The following SAP130 variants were observed in gnomAD, a reference collection of about 807,000 sequenced individuals.
SAP130 encodes the protein Sin3A associated protein 130.
Under a neutral mutation model 103.2 loss-of-function variants are expected in SAP130, and 16 were observed. That is an observed-to-expected ratio of 0.16 (90% CI 0.10 to 0.24). The LOEUF is 0.24. Ranked by LOEUF, SAP130 falls within the 10% of genes least tolerant of loss-of-function variation. The probability of loss-of-function intolerance (pLI) is 1.00; values close to 1 mark genes in which losing one functional copy is unlikely to be tolerated. For missense variants in SAP130, 990 were observed against 1,359.7 expected, an observed-to-expected ratio of 0.73 and a Z score of 4.28; for synonymous variants, 477 against 497.0, an observed-to-expected ratio of 0.96 and a Z score of 0.53.
At chr2:128,008,522 G>A (rs944767017) in intron 7 of SAP130, among the ~76,000 whole-genome samples, 1 of 143,408 alleles carries the variant, frequency 7.0e-6, no homozygotes, top group African/African-American at 2.7e-5. Flanking sequence ...ATGCCACCAC[G>A]CTTACCTTTT....
intron 18 of SAP130, among the ~76,000 whole-genome samples, chr2:127,947,765 T>TGTGTGA (rs1553500436): frequency 0.21 from 1,062 of 5,176 alleles, 21 homozygotes; most frequent in African/African-American, 0.33. Context: ...TGTGTGTGTC[T>TGTGTGA]GTGTGTGTGT....
rs2104988717 is a variant in SAP130, at chr2:127,986,462, C to T, written c.1958+323G>A. 6.6e-6 allele frequency among the ~76,000 whole-genome samples: 1 copy of T among 152,324 alleles called. No homozygotes were observed. Among genetic ancestry groups the T allele is most frequent in the African/African-American group, 2.4e-5 (1 of 41,570 alleles). On this transcript the variant is annotated intron_variant, in intron 14 of 20. Transcript: ENST00000643581. This position sits in a 1 kb window ranked among gnomAD's most constrained non-coding sequence, Gnocchi z 4.7. ...TTTATAGTATGAGTTAAGGTAACTACCTACACAAGCCCAAGAGTTACTTAT... is the reference window on the plus strand; with the variant it reads ...TTTATAGTATGAGTTAAGGTAACTATCTACACAAGCCCAAGAGTTACTTAT...
chr2:128,009,465 T>C (rs1428740426), intron 7 of SAP130, among the ~76,000 whole-genome samples: 3 of 152,110 alleles, frequency 2.0e-5, no homozygotes, highest in Non-Finnish European at 4.4e-5. Context: ...AGTGAGACCC[T>C]GTCTCCAAAA....
intron 9 of SAP130, 96 bp downstream of exon 9, chr2:127,999,960 T>G (rs1251237921): frequency 2.1e-6 from 3 of 1,451,798 alleles, no homozygotes; most frequent in African/African-American, 2.8e-5. Flanking sequence ...TCTAGCCCGT[T>G]GTTTTTCTCT....
chr2:127,998,476 T>C (rs1335767151), intron 10 of SAP130, among the ~76,000 whole-genome samples: 2 of 152,194 alleles, frequency 1.3e-5, no homozygotes, highest in Admixed American at 6.5e-5. Flanking sequence ...AATATGTATG[T>C]TTTACTTCCC....
rs753585560 is a variant in SAP130, at chr2:127,955,268, T to C, written c.2140A>G (p.Asn714Asp). The change falls in exon 16 of 21, where the codon AAT (asparagine) becomes GAT (aspartate). Residue 714 changes from asparagine to aspartate, a missense_variant. Asn to Asp is a conservative substitution (Grantham distance 23). Around this residue, in one of 6 missense-constraint regions of SAP130, gnomAD observed 349 missense variants for 384.1 expected, o/e 0.91. Coordinates refer to ENST00000643581, the MANE Select transcript of SAP130 (RefSeq NM_001330301.2). This position sits in a 1 kb window ranked among gnomAD's most constrained non-coding sequence, Gnocchi z 4.9. Reference sequence around the variant, plus strand: ...ACGGCAATGGTAGGCTGATCATTATTTTGATTGGATACAGTCTCCATGGAC... The same window carrying C: ...ACGGCAATGGTAGGCTGATCATTATCTTGATTGGATACAGTCTCCATGGAC... ...TVSMETVSNQ[N>D]NDQPTIAVPP... is the part of the protein sequence containing the mutation. 5 of 1,613,808 alleles carry C rather than the reference T, an allele frequency of 3.1e-6. No homozygotes were observed. The highest frequency in any genetic ancestry group is 3.4e-6 in the Non-Finnish European group (4 of 1,179,846).
At position 127,997,842 on chromosome 2, in the gene SAP130, A is replaced by G. The variant is rs372698806; in HGVS notation, c.1214-1351T>C. On this transcript the variant is annotated intron_variant, in intron 10 of 20. Coordinates refer to ENST00000643581, the MANE Select transcript of SAP130 (RefSeq NM_001330301.2). ...TTAAAAAGCCATAAAGGCTGGATGCAGTGGCTCATGCCTATAATCCCAACA... is the reference window on the plus strand; with the variant it reads ...TTAAAAAGCCATAAAGGCTGGATGCGGTGGCTCATGCCTATAATCCCAACA... Among the ~76,000 whole-genome samples the G allele has an allele frequency of 3.3e-4, 51 of 152,342 alleles. 1 individual carries two copies. In the South Asian group the frequency reaches 6.4e-3, roughly 19 times the overall value.
intron 18 of SAP130, among the ~76,000 whole-genome samples, chr2:127,947,951 G>A (rs948965789): frequency 4.1e-4 from 60 of 145,228 alleles, no homozygotes; most frequent in African/African-American, 1.4e-3. Context: ...CACCATGCCT[G>A]GCTAATTTTT....
intron 14 of SAP130, among the ~76,000 whole-genome samples, chr2:127,983,826 T>G (rs376742550): frequency 2.6e-5 from 3 of 116,926 alleles, no homozygotes; most frequent in Admixed American, 8.5e-5. Context: ...CTTTGTTGTT[T>G]TTTTTTTTTT....
At chr2:128,001,186 A>G (rs999089574) in intron 7 of SAP130, among the ~76,000 whole-genome samples, 1 of 152,242 alleles carries the variant, frequency 6.6e-6, no homozygotes, top group African/African-American at 2.4e-5. Context: ...ATTGGTAGCA[A>G]GCTACTGAAA....
In SAP130 at chr2:128,026,234, G is replaced by A. The variant is rs1427020143; in HGVS notation, c.59C>T (p.Pro20Leu). The change falls in exon 2 of 21, where the codon CCT (proline) becomes CTT (leucine). Residue 20 changes from proline (P) to leucine (L), a missense_variant. Transcript: ENST00000643581. ...AGAACCACTGTTTGCAATCTGAGAA[G>A]GGGCCTGGCTCAGCCCGGTAGAAGG... ...GAPSTGLSQA[P>L]SQIANSGSAG... The A allele has an allele frequency of 6.2e-7, 1 of 1,614,164 alleles. No homozygotes were observed.
rs781184042 is a variant in SAP130, at chr2:127,986,857, G to A, written c.1886C>T (p.Ala629Val). The part of the protein sequence containing the change: ...TTVVQTHSQS[A>V]STNAPAQGSS... ...GCCCTGGGCGGGAGCGTTGGTGCTA[G>A]CACTCTGGCTGTGGGTCTGCACCAC... is the stretch of plus-strand genomic sequence containing the variant. The change falls in exon 14 of 21, where the codon GCT (alanine) becomes GTT (valine). Residue 629 changes from alanine to valine, a missense_variant. This residue lies in a region of SAP130 where 349 missense variants were observed against 384.1 expected (regional missense o/e 0.91). Coordinates refer to ENST00000643581, the MANE Select transcript of SAP130 (RefSeq NM_001330301.2). The surrounding 1 kb of genome is among the most constrained non-coding windows in gnomAD (Gnocchi z 4.7). 2.5e-6 allele frequency: 4 copies of A among 1,614,136 alleles called. No individual in the cohort carries two copies. The East Asian group carries it at 8.9e-5, about 36-fold the overall frequency.
chr2:127,985,370 C>T (rs867901677), intron 14 of SAP130, among the ~76,000 whole-genome samples: 1 of 152,176 alleles, frequency 6.6e-6, no homozygotes, highest in South Asian at 2.1e-4. Context: ...CCTGCATGGA[C>T]CCTAGTCCCA....
At chr2:128,003,682 G>C (rs1271567246) in intron 7 of SAP130, among the ~76,000 whole-genome samples, 3 of 151,828 alleles carry the variant, frequency 2.0e-5, no homozygotes, top group Non-Finnish European at 2.9e-5. Context: ...AAAACAGTCA[G>C]AGGGAGTAAG....
At chr2:127,965,167 T>TGCA (rs1680564875) in intron 15 of SAP130, among the ~76,000 whole-genome samples, 1 of 151,714 alleles carries the variant, frequency 6.6e-6, no homozygotes, top group African/African-American at 2.4e-5. Flanking sequence ...CATGGTGGTG[T>TGCA]GCACCTGTAG....
chr2:128,010,128 C>T, intron 7 of SAP130, 141 bp downstream of exon 7: 1 of 793,228 alleles, frequency 1.3e-6, no homozygotes, highest in Non-Finnish European at 1.8e-6. Context: ...AGCTTTAGCC[C>T]CAGGATTTAG....
At chr2:127,965,494 G>A (rs1436406416) in intron 15 of SAP130, among the ~76,000 whole-genome samples, 4 of 151,314 alleles carry the variant, frequency 2.6e-5, no homozygotes, top group Non-Finnish European at 5.9e-5. Context: ...GTGAGGGGTG[G>A]AGGGCGGGGC....
intron 14 of SAP130, among the ~76,000 whole-genome samples, chr2:127,983,820 G>GTTTTTTTTTTTTTTTTTTTTTTTTTT: frequency 8.9e-6 from 1 of 112,354 alleles, no homozygotes; most frequent in African/African-American, 3.8e-5. Context: ...CTATTACTTT[G>GTTTTTTTTTTTTTTTTTTTTTTTTTT]TTGTTTTTTT....
intron 15 of SAP130, among the ~76,000 whole-genome samples, chr2:127,966,425 G>A (rs1363423262): frequency 6.6e-6 from 1 of 151,374 alleles, no homozygotes; most frequent in Non-Finnish European, 1.5e-5. Context: ...TCTGTGGGCC[G>A]GGTGTGATGG....
Sources: gnomAD v4.1 joint callset for allele counts (sites outside exome capture counted in the v4.1 genomes callset) on GRCh38, gnomAD v4.1.1 for gene constraint, gnomAD v4.1.1 regional missense constraint, Gnocchi (gnomAD v3.1) non-coding constraint, MANE v1.5 for transcripts, NCBI Gene and HGNC (gene_info 2026-07-23, HGNC 2026-07-21) for gene names.